SORT1: variants seen among roughly 807,000 people sequenced by gnomAD.
SORT1 encodes the protein sortilin.
In SORT1, 39 loss-of-function variants were observed where a neutral mutation model predicts 101.7. The ratio of observed to expected loss-of-function variants is 0.38; its 90% CI spans 0.30 to 0.50. The LOEUF (loss-of-function observed/expected upper bound fraction) is 0.50. Ranked by LOEUF, SORT1 falls within the 20% of genes least tolerant of loss-of-function variation. The pLI is 0.90. For missense variants in SORT1, 878 were observed against 1,040.4 expected (o/e 0.84, Z 2.15); for synonymous variants, 396 against 393.7 (o/e 1.01, Z -0.07).
chr1:109,353,927 T>C (rs1650128733), intron 5 of SORT1, among the ~76,000 whole-genome samples: 1 of 151,986 alleles, frequency 6.6e-6, no homozygotes, highest in African/African-American at 2.4e-5. Context: ...GGATATTTAA[T>C]ACATGAGGGT....
At chr1:109,378,734 ATATATATATATATATATATATATAT>A (rs1557822573) in intron 1 of SORT1, among the ~76,000 whole-genome samples, 4 of 108,840 alleles carry the variant, frequency 3.7e-5, no homozygotes, top group African/African-American at 1.5e-4. Flanking sequence ...ATATATATAT[ATATATATATATATATATATATATAT>A]ATAAAGATGT....
chr1:109,323,312 C>G (rs1005867508), intron 14 of SORT1, among the ~76,000 whole-genome samples, 191 bp from the exon 15 acceptor site: 1 of 152,228 alleles, frequency 6.6e-6, no homozygotes, highest in South Asian at 2.1e-4. Context: ...TTTCCTCATG[C>G]CAAAAGAGTA....
chr1:109,377,079 T>C (rs1318966332), intron 1 of SORT1, among the ~76,000 whole-genome samples: 2 of 152,176 alleles, frequency 1.3e-5, no homozygotes, highest in African/African-American at 4.8e-5. Flanking sequence ...CAGCTCAAAG[T>C]GATCTCCTCT....
intron 15 of SORT1, among the ~76,000 whole-genome samples, chr1:109,318,937 G>A (rs1417711778): frequency 6.6e-6 from 1 of 152,132 alleles, no homozygotes; most frequent in Non-Finnish European, 1.5e-5. Context: ...GAACCACTGT[G>A]CCTTGCTAAT....
At chr1:109,358,431 C>G (rs113936987) in intron 3 of SORT1, among the ~76,000 whole-genome samples, 221 of 152,168 alleles carry the variant, frequency 1.5e-3, no homozygotes, top group African/African-American at 5.0e-3. Context: ...GCCTATGTCA[C>G]GAAGAGGAAA....
chr1:109,361,309 T>A (rs1570951602), intron 3 of SORT1, among the ~76,000 whole-genome samples: 1 of 152,360 alleles, frequency 6.6e-6, no homozygotes, highest in East Asian at 1.9e-4. Context: ...TCAGCCTAGT[T>A]GTCTGCCACT....
chr1:109,324,849 G>T, intron 14 of SORT1, 50 bp downstream of exon 14: 1 of 1,258,528 alleles, frequency 7.9e-7, no homozygotes, highest in Non-Finnish European at 1.1e-6. Flanking sequence ...GATTATTTAG[G>T]AAAATGGACT....
At chr1:109,334,962 G>A (rs1438081743) in intron 11 of SORT1, among the ~76,000 whole-genome samples, 1 of 152,022 alleles carries the variant, frequency 6.6e-6, no homozygotes, top group African/African-American at 2.4e-5. Context: ...TTTTTAAAAA[G>A]AAGAGGTTCA....
At chr1:109,351,968 GTGTGTGT>G (rs1649996231) in intron 5 of SORT1, among the ~76,000 whole-genome samples, 2 of 16,072 alleles carry the variant, frequency 1.2e-4, no homozygotes, top group Non-Finnish European at 5.3e-4. Flanking sequence ...AGGTAGGGGT[GTGTGTGT>G]GTGTGTGTGT....
chr1:109,328,711 C>T (rs543734913), intron 11 of SORT1, among the ~76,000 whole-genome samples: 47 of 152,302 alleles, frequency 3.1e-4, no homozygotes, highest in African/African-American at 1.1e-3. Context: ...AGCCTCTGAA[C>T]AATGTTTAAA....
At chr1:109,314,577 T>A (rs1181127410) in intron 18 of SORT1, 95 bp downstream of exon 18, 1 of 1,086,876 alleles carries the variant, frequency 9.2e-7, no homozygotes, top group African/African-American at 1.6e-5. Context: ...GTACTGCAAG[T>A]ACCTAGTTTT....
At chr1:109,332,840 G>A (rs1420503454) in intron 11 of SORT1, among the ~76,000 whole-genome samples, 1 of 152,218 alleles carries the variant, frequency 6.6e-6, no homozygotes, top group African/African-American at 2.4e-5. Context: ...TGACAAGGGT[G>A]TCAAGAACAC....
chr1:109,313,805 A>T lies in SORT1; in HGVS notation c.*238T>A, dbSNP rs1484529233. 3.7e-6 allele frequency: 2 copies of T among 544,932 alleles called. No homozygotes were observed. The highest frequency in any genetic ancestry group is 3.8e-5 in the African/African-American group (2 of 52,448). The allele number at this position is 544,932 out of a possible 1,614,324, so 33.8% of individuals were successfully genotyped here. On this transcript the variant is annotated 3_prime_UTR_variant, in exon 20 of 20. Coordinates refer to ENST00000256637, the MANE Select transcript of SORT1 (RefSeq NM_002959.7). Reference sequence around the variant, plus strand: ...GCAAAGAGACAGGACGAGAAATAAGAAGTTAAAGAATTTAAAATGTCTCCC... The same window carrying T: ...GCAAAGAGACAGGACGAGAAATAAGTAGTTAAAGAATTTAAAATGTCTCCC...
intron 10 of SORT1, among the ~76,000 whole-genome samples, chr1:109,338,443 T>C (rs890166400): frequency 2.0e-5 from 3 of 152,152 alleles, no homozygotes; most frequent in African/African-American, 7.2e-5. Context: ...AAAATAAATA[T>C]ATAAATAAAA....
intron 1 of SORT1, among the ~76,000 whole-genome samples, chr1:109,391,633 T>G (rs1652920646): frequency 6.6e-6 from 1 of 152,200 alleles, no homozygotes; most frequent in Non-Finnish European, 1.5e-5. Flanking sequence ...GCCTCCATCT[T>G]TCACCTAAAA....
intron 4 of SORT1, 62 bp from the exon 5 acceptor site, chr1:109,354,593 C>T (rs915714978): frequency 8.0e-7 from 1 of 1,255,918 alleles, no homozygotes; most frequent in African/African-American, 1.5e-5. Context: ...CACAGGAGTT[C>T]TTACACCATT....
At chr1:109,386,970 A>G (rs1365091018) in intron 1 of SORT1, among the ~76,000 whole-genome samples, 1 of 152,258 alleles carries the variant, frequency 6.6e-6, no homozygotes, top group African/African-American at 2.4e-5. Flanking sequence ...GAAGGGGAAG[A>G]AAAATTGTTA....
In SORT1 at chr1:109,327,060, G is replaced by A; in HGVS notation, c.1575C>T (p.Tyr525=). ...TGATGCCTCCAGAATCCAGGATGGT[G>A]TAATAGTGGGGTCCTTCCAGCATCT... ...WTKMLEGPHY[Y]TILDSGGIIV... Residue 525 remains tyrosine (Y), a synonymous_variant, in exon 13 of 20, where the codon TAC becomes TAT. Transcript: ENST00000256637. 1.2e-6 allele frequency: 2 copies of A among 1,613,042 alleles called. No homozygotes were observed. Among genetic ancestry groups the A allele is most frequent in the Non-Finnish European group, 1.7e-6 (2 of 1,179,898 alleles).
intron 1 of SORT1, among the ~76,000 whole-genome samples, chr1:109,371,953 G>A (rs1381289754): frequency 6.6e-6 from 1 of 152,100 alleles, no homozygotes; most frequent in Non-Finnish European, 1.5e-5. Context: ...TTATACTGGT[G>A]AAAGTTAAAA....
Sources: allele counts gnomAD v4.1 joint callset (sites outside exome capture counted in the v4.1 genomes callset), GRCh38; gene constraint gnomAD v4.1.1; transcripts MANE v1.5; gene names NCBI Gene and HGNC (gene_info 2026-07-23, HGNC 2026-07-21).